Variants in CADM1 observed in about 807,000 individuals in gnomAD.
The protein encoded by CADM1 is cell adhesion molecule 1.
A neutral mutation model predicts 53.1 loss-of-function variants in CADM1; 15 were observed. The observed-to-expected ratio is 0.28, with a 90% CI of 0.19 to 0.44. The LOEUF is 0.44. Ranked by LOEUF, CADM1 falls within the 20% of genes least tolerant of loss-of-function variation. The pLI is 1.00. For synonymous variants in CADM1, 281 were observed against 243.0 expected (o/e 1.16, Z -1.45); for missense variants, 434 against 611.3 (o/e 0.71, Z 3.06).
intron 8 of CADM1, among the ~76,000 whole-genome samples, chr11:115,205,843 T>A (rs555018070): frequency 3.5e-4 from 53 of 152,226 alleles, no homozygotes; most frequent in South Asian, 1.5e-3. Flanking sequence ...GGAAAAAAAA[T>A]TTAATGGTAC....
chr11:115,491,468 G>C (rs754948851), intron 1 of CADM1, among the ~76,000 whole-genome samples: 29 of 152,044 alleles, frequency 1.9e-4, no homozygotes, highest in Middle Eastern at 3.2e-3. Flanking sequence ...GGGAGGCTGA[G>C]GCAGGAGAAT....
chr11:115,361,298 T>C (rs1336812878), intron 1 of CADM1, among the ~76,000 whole-genome samples: 7 of 152,182 alleles, frequency 4.6e-5, no homozygotes, highest in African/African-American at 1.7e-4. Context: ...CTGGCAATTC[T>C]CTTACCAGAA....
chr11:115,389,346 A>T (rs781038258), intron 1 of CADM1, among the ~76,000 whole-genome samples: 1 of 152,238 alleles, frequency 6.6e-6, no homozygotes, highest in Non-Finnish European at 1.5e-5. Flanking sequence ...CAGCCTTGTG[A>T]ATTTAAAATA....
intron 1 of CADM1, among the ~76,000 whole-genome samples, chr11:115,444,000 A>T (rs1403037441): frequency 6.6e-6 from 1 of 152,212 alleles, no homozygotes; most frequent in East Asian, 1.9e-4. Context: ...CACATTCTGA[A>T]ATCCAAATTA....
In CADM1 at chr11:115,323,890, G is replaced by GA. The variant is rs200056022; in HGVS notation, c.125-83471dup. On this transcript the variant is annotated intron_variant, in intron 1 of 11. Transcript: ENST00000331581. ...TTTTAAGAGGAGAGATACGAAAAAG[G>GA]AAAAAAAAAAAAGTGGGATCAATCT... Among the ~76,000 whole-genome samples the GA allele has an allele frequency of 6.6e-3, 955 of 144,956 alleles. 19 individuals carry two copies. The highest frequency in any genetic ancestry group is 5.4e-3 in the African/African-American group (215 of 39,658).
chr11:115,263,908 G>C (rs978898816), intron 1 of CADM1, among the ~76,000 whole-genome samples: 1 of 152,170 alleles, frequency 6.6e-6, no homozygotes, highest in Non-Finnish European at 1.5e-5. Context: ...TAGCAAAAGA[G>C]CTGAGAATCT....
chr11:115,305,047 G>C (rs902106502), intron 1 of CADM1, among the ~76,000 whole-genome samples: 1 of 151,990 alleles, frequency 6.6e-6, no homozygotes, highest in Non-Finnish European at 1.5e-5. Context: ...GCACGAAATA[G>C]ACACCTAGAC....
intron 1 of CADM1, among the ~76,000 whole-genome samples, chr11:115,386,094 G>A (rs1946693053): frequency 6.6e-6 from 1 of 152,198 alleles, no homozygotes; most frequent in African/African-American, 2.4e-5. Context: ...ATCAAGATCT[G>A]TCCTAGAACA....
rs564159405 is a variant in CADM1 at position 115,256,777 on chromosome 11, T to G, written c.125-16357A>C. On this transcript the variant is annotated intron_variant, in intron 1 of 11. Transcript: ENST00000331581. The stretch of plus-strand genomic sequence containing the variant: ...TATGGCAATTGCAATAGGTTCACAC[T>G]TACTCCTTCCTCTAAAAAGTTTGTT... 652 of 456,070 alleles carry G rather than the reference T, an allele frequency of 1.4e-3. 3 individuals carry two copies. The highest frequency in any genetic ancestry group is 0.012 in the African/African-American group (591 of 50,204). 28.3% of individuals were successfully genotyped at this position (456,070 alleles called of 1,614,324 possible). A position where few individuals can be genotyped will look rare whatever the true frequency, so the allele number is the denominator to read the frequency against.
intron 1 of CADM1, among the ~76,000 whole-genome samples, chr11:115,248,935 TATTA>T (rs770491644): frequency 6.6e-6 from 1 of 152,136 alleles, no homozygotes. Context: ...TCTTAAAAAA[TATTA>T]ATTAAACAAT....
At chr11:115,374,820 A>T (rs1358139931) in intron 1 of CADM1, among the ~76,000 whole-genome samples, 1 of 152,164 alleles carries the variant, frequency 6.6e-6, no homozygotes, top group Admixed American at 6.5e-5. Flanking sequence ...TTCGAGGGAG[A>T]AAAAAGGGAT....
At chr11:115,291,946 G>A (rs1943916148) in intron 1 of CADM1, among the ~76,000 whole-genome samples, 1 of 152,134 alleles carries the variant, frequency 6.6e-6, no homozygotes, top group African/African-American at 2.4e-5. Context: ...CCTTTCTTTG[G>A]CATTTCTGAG....
chr11:115,259,608 C>A (rs1942907944), intron 1 of CADM1, among the ~76,000 whole-genome samples: 1 of 152,024 alleles, frequency 6.6e-6, no homozygotes, highest in Non-Finnish European at 1.5e-5. Context: ...GTCCAGCCAA[C>A]TTTTTGTTTT....
intron 1 of CADM1, among the ~76,000 whole-genome samples, chr11:115,328,419 A>T (rs551172420): frequency 6.6e-6 from 1 of 151,850 alleles, no homozygotes; most frequent in Non-Finnish European, 1.5e-5. Context: ...ATGAAATTAC[A>T]TTTTCCAAGT....
rs745677210 is a variant in CADM1, at chr11:115,214,630, C to T, written c.972G>A (p.Ser324=). The change falls in exon 7 of 12, where the codon TCG becomes TCA. Residue 324 remains serine (S), a synonymous_variant. Transcript: ENST00000331581. ...EASNIVGKAH[S]DYMLYVYDPP... Reference sequence around the variant, plus strand: ...TACCGTATACATACAGCATATAATCCGAGTGAGCTTTCCCCACTATGTTTG... The same window carrying T: ...TACCGTATACATACAGCATATAATCTGAGTGAGCTTTCCCCACTATGTTTG... The T allele has an allele frequency of 9.3e-6, 15 of 1,613,832 alleles. No individual in the cohort carries two copies. The highest frequency in any genetic ancestry group is 2.7e-5 in the African/African-American group (2 of 74,914).
intron 8 of CADM1, among the ~76,000 whole-genome samples, chr11:115,205,209 G>A (rs1940619841): frequency 6.6e-6 from 1 of 152,092 alleles, no homozygotes; most frequent in Non-Finnish European, 1.5e-5. Flanking sequence ...TCCTTTCTAT[G>A]ATATTCCTCA....
chr11:115,472,388 G>C (rs1022239860), intron 1 of CADM1, among the ~76,000 whole-genome samples: 1 of 152,142 alleles, frequency 6.6e-6, no homozygotes, highest in Non-Finnish European at 1.5e-5. Flanking sequence ...GCATATATTA[G>C]AACAGAGTAC....
intron 10 of CADM1, among the ~76,000 whole-genome samples, chr11:115,184,630 T>G (rs1421236859): frequency 1.3e-5 from 2 of 152,278 alleles, no homozygotes; most frequent in Admixed American, 1.3e-4. Flanking sequence ...AGCAAGAAAA[T>G]CATGAAGACT....
intron 1 of CADM1, among the ~76,000 whole-genome samples, chr11:115,459,929 T>C (rs1170629376): frequency 6.6e-6 from 1 of 152,210 alleles, no homozygotes; most frequent in Non-Finnish European, 1.5e-5. Flanking sequence ...TGTGTGTTTA[T>C]ATATAATTTG....
Sources: allele counts gnomAD v4.1 joint callset (sites outside exome capture counted in the v4.1 genomes callset), GRCh38; gene constraint gnomAD v4.1.1; transcripts MANE v1.5; gene names NCBI Gene and HGNC (gene_info 2026-07-23, HGNC 2026-07-21).